The following CELF2 variants were observed in gnomAD, a reference collection of about 807,000 sequenced individuals.
The protein encoded by CELF2 is CUG triplet repeat RNA-binding protein 2.
In CELF2, 8 loss-of-function variants were observed where a neutral mutation model predicts 62.6. The observed-to-expected ratio is 0.13, with a 90% CI of 0.07 to 0.23. CELF2 has a LOEUF of 0.23. Among genes scored for constraint, CELF2 ranks in the 10% least tolerant of loss-of-function variants. CELF2 has a pLI of 1.00. For missense variants in CELF2, 333 were observed against 671.0 expected, an observed-to-expected ratio of 0.50 and a Z score of 5.56; for synonymous variants, 258 against 250.0, an observed-to-expected ratio of 1.03 and a Z score of -0.30.
chr10:11,031,893 C>T (rs2060170056), intron 1 of CELF2, among the ~76,000 whole-genome samples: 2 of 152,022 alleles, frequency 1.3e-5, no homozygotes, highest in African/African-American at 4.8e-5. Flanking sequence ...CAATGATGAT[C>T]GTATAATTTG....
In CELF2 at chr10:11,267,994, C is replaced by A. The variant is rs1432539782; in HGVS notation, c.618+1317C>A. On this transcript the variant is annotated intron_variant, in intron 6 of 12. Coordinates refer to ENST00000633077, the MANE Select transcript of CELF2 (RefSeq NM_001326342.2). The surrounding 1 kb of genome is among the most constrained non-coding windows in gnomAD (Gnocchi z 4.4). ...TGCATTTTTAAGACACTCACAACCC[C>A]CTACCTGAAGGCAAGCTCAGGTGAA... 6.6e-6 allele frequency among the ~76,000 whole-genome samples: 1 copy of A among 152,162 alleles called. No individual in the cohort carries two copies. Among genetic ancestry groups the A allele is most frequent in the Non-Finnish European group, 1.5e-5 (1 of 68,038 alleles).
intron 2 of CELF2, among the ~76,000 whole-genome samples, chr10:10,992,799 T>C (rs1012756647): frequency 5.3e-5 from 8 of 152,242 alleles, no homozygotes; most frequent in Non-Finnish European, 1.2e-4. Context: ...GGAATTTGAC[T>C]GCACAGTTAC....
chr10:10,716,825 G>A, the CELF2 span, among the ~76,000 whole-genome samples: 1 of 152,166 alleles, frequency 6.6e-6, no homozygotes, highest in Non-Finnish European at 1.5e-5. Context: ...GCAACATTTT[G>A]AGGTTTTTTT....
chr10:10,724,454 G>A, the CELF2 span, among the ~76,000 whole-genome samples: 1 of 152,168 alleles, frequency 6.6e-6, no homozygotes, highest in Non-Finnish European at 1.5e-5. Context: ...AGGAGTTCAA[G>A]ACCAGCCTGG....
intron 2 of CELF2, among the ~76,000 whole-genome samples, chr10:10,998,174 G>C (rs2054163076): frequency 6.6e-6 from 1 of 152,138 alleles, no homozygotes; most frequent in African/African-American, 2.4e-5. Context: ...CCCTGTCTCA[G>C]GTATGTCTTC....
rs2090620083 is a variant in CELF2, at chr10:11,284,818, ATG to A, written c.842-3599_842-3598del. Among the ~76,000 whole-genome samples the A allele has an allele frequency of 2.7e-5, 4 of 146,816 alleles. No homozygotes were observed. The South Asian group carries it at 6.7e-4, about 24-fold the overall frequency. The stretch of plus-strand genomic sequence containing the variant: ...TGGATGGTGGGCGGATGATGGATGG[ATG>A]GGTGGGAGAATAATGGATGGATGGG... On this transcript the variant is annotated intron_variant, in intron 8 of 12. Transcript: ENST00000633077.
chr10:11,275,204 G>T, intron 8 of CELF2, 84 bp downstream of exon 8: 1 of 1,327,012 alleles, frequency 7.5e-7, no homozygotes, highest in South Asian at 1.2e-5. Flanking sequence ...CAAGAAGCAG[G>T]GGAAGAGAAC....
At chr10:10,626,412 A>C in the CELF2 span, among the ~76,000 whole-genome samples, 1 of 152,222 alleles carries the variant, frequency 6.6e-6, no homozygotes, top group Non-Finnish European at 1.5e-5. Context: ...CCTGTACTAA[A>C]CGAGTTTCAT....
intron 1 of CELF2, among the ~76,000 whole-genome samples, chr10:11,085,212 T>C (rs1344067174): frequency 2.6e-5 from 4 of 152,220 alleles, no homozygotes; most frequent in African/African-American, 7.2e-5. Flanking sequence ...GTTGAAGACA[T>C]TGGAAATCAT....
At chr10:10,825,548 AT>A (rs1328488247) in intron 1 of CELF2, among the ~76,000 whole-genome samples, 4 of 152,194 alleles carry the variant, frequency 2.6e-5, no homozygotes, top group African/African-American at 9.7e-5. Context: ...TGATAGCAAG[AT>A]TCCTGTGTTC....
At chr10:11,127,590 C>T (rs1034549099) in intron 1 of CELF2, among the ~76,000 whole-genome samples, 3 of 152,122 alleles carry the variant, frequency 2.0e-5, no homozygotes, top group African/African-American at 7.2e-5. Flanking sequence ...GCCATTCTAG[C>T]TGGTGTGAGA....
rs144521387 is a variant in CELF2, at chr10:11,157,377, A to G, written c.75-8109A>G. On this transcript the variant is annotated intron_variant, in intron 1 of 12. Transcript: ENST00000633077. The surrounding 1 kb of genome is among the most constrained non-coding windows in gnomAD (Gnocchi z 4.9). ...TATAGCCTGTTGTCTTTTGACTTTGATATCCGCCCTCCCCCCACACACACA... is the reference window on the plus strand; with the variant it reads ...TATAGCCTGTTGTCTTTTGACTTTGGTATCCGCCCTCCCCCCACACACACA... Among the ~76,000 whole-genome samples the G allele has an allele frequency of 1.4e-5, 2 of 138,036 alleles. No individual in the cohort carries two copies. Among genetic ancestry groups the G allele is most frequent in the African/African-American group, 5.4e-5 (2 of 36,960 alleles). 90.6% of individuals were successfully genotyped at this position (138,036 alleles called of 152,430 possible).
chr10:11,319,944 C>G lies in CELF2; in HGVS notation c.1097-1245C>G, dbSNP rs894942498. Reference sequence around the variant, plus strand: ...CGGATTCTCTGGTGTTTCCAGGCAGCCTTACCTTAGCTGTCCTCCATTCTC... The same window carrying G: ...CGGATTCTCTGGTGTTTCCAGGCAGGCTTACCTTAGCTGTCCTCCATTCTC... On this transcript the variant is annotated intron_variant, in intron 10 of 12. Coordinates refer to ENST00000633077, the MANE Select transcript of CELF2 (RefSeq NM_001326342.2). This position sits in a 1 kb window ranked among gnomAD's most constrained non-coding sequence, Gnocchi z 4.4. 2 of 463,666 alleles carry G rather than the reference C, an allele frequency of 4.3e-6. No homozygotes were observed. The highest frequency in any genetic ancestry group is 3.1e-5 in the South Asian group (2 of 64,054). 28.7% of individuals were successfully genotyped at this position (463,666 alleles called of 1,614,324 possible). A position where few individuals can be genotyped will look rare whatever the true frequency, so the allele number is the denominator to read the frequency against.
At position 11,046,748 on chromosome 10, in the gene CELF2, T is replaced by C. The variant is rs1036728378; in HGVS notation, c.74+28585T>C. 6.6e-6 allele frequency among the ~76,000 whole-genome samples: 1 copy of C among 152,204 alleles called. No individual in the cohort carries two copies. The highest frequency in any genetic ancestry group is 6.5e-5 in the Admixed American group (1 of 15,286). ...AAAGAGTTTTTGTAAATCCCATGTC[T>C]TTAATCTCATTTCGCTATTTCTCAA... On this transcript the variant is annotated intron_variant, in intron 1 of 12. Transcript: ENST00000633077. The surrounding 1 kb of genome is among the most constrained non-coding windows in gnomAD (Gnocchi z 4.6).
chr10:11,255,724 TA>T lies in CELF2; in HGVS notation c.404-2013del, dbSNP rs1262149694. 1.2e-4 allele frequency among the ~76,000 whole-genome samples: 19 copies of T among 152,132 alleles called. No homozygotes were observed. The highest frequency in any genetic ancestry group is 4.6e-4 in the African/African-American group (19 of 41,496). ...CCTCAAGAGCCCCAGTCACCCCGAG[TA>T]TGTCACAGGCCACCTTCTCTCCATT... On this transcript the variant is annotated intron_variant, in intron 4 of 12. Transcript: ENST00000633077. The surrounding 1 kb of genome is among the most constrained non-coding windows in gnomAD (Gnocchi z 5.5).
chr10:11,212,524 A>G (rs939529321), intron 2 of CELF2, among the ~76,000 whole-genome samples: 6 of 152,236 alleles, frequency 3.9e-5, no homozygotes, highest in Non-Finnish European at 8.8e-5. Context: ...GAATCAGCAC[A>G]GTCTTTTTGT....
chr10:10,718,776 G>A, the CELF2 span, among the ~76,000 whole-genome samples: 4 of 152,010 alleles, frequency 2.6e-5, no homozygotes, highest in Non-Finnish European at 5.9e-5. Context: ...AGTAGAACCA[G>A]CAGGTTTCCT....
At chr10:10,956,475 C>T (rs893589192) in intron 2 of CELF2, among the ~76,000 whole-genome samples, 4 of 152,200 alleles carry the variant, frequency 2.6e-5, no homozygotes, top group Admixed American at 6.5e-5. Flanking sequence ...AGACTTGGAT[C>T]TAATCCTGTT....
At position 11,046,765 on chromosome 10, in the gene CELF2, A is replaced by G. The variant is rs997621402; in HGVS notation, c.74+28602A>G. ...CCCATGTCTTTAATCTCATTTCGCTATTTCTCAACACCCTATTAACATAAA... is the reference window on the plus strand; with the variant it reads ...CCCATGTCTTTAATCTCATTTCGCTGTTTCTCAACACCCTATTAACATAAA... On this transcript the variant is annotated intron_variant, in intron 1 of 12. Transcript: ENST00000633077. The surrounding 1 kb of genome is among the most constrained non-coding windows in gnomAD (Gnocchi z 4.6). Among the ~76,000 whole-genome samples, 1 of 152,144 alleles carries G rather than the reference A, an allele frequency of 6.6e-6. No individual in the cohort carries two copies. Among genetic ancestry groups the G allele is most frequent in the Non-Finnish European group, 1.5e-5 (1 of 68,038 alleles).
Sources: gnomAD v4.1 joint callset for allele counts (sites outside exome capture counted in the v4.1 genomes callset) on GRCh38, gnomAD v4.1.1 for gene constraint, Gnocchi (gnomAD v3.1) non-coding constraint, MANE v1.5 for transcripts, NCBI Gene and HGNC (gene_info 2026-07-23, HGNC 2026-07-21) for gene names.